DLG1: variants seen among roughly 807,000 people sequenced by gnomAD.
DLG1 encodes discs large MAGUK scaffold protein 1, also known as disks large homolog 1.
DLG1 carries 42 observed loss-of-function variants against 123.4 expected under a neutral mutation model. The ratio of observed to expected loss-of-function variants is 0.34; its 90% CI spans 0.27 to 0.44. DLG1 has a LOEUF of 0.44. Ranked by LOEUF, DLG1 falls within the 20% of genes least tolerant of loss-of-function variation. DLG1 has a pLI of 1.00. For missense variants in DLG1, 942 were observed against 1,082.6 expected, an observed-to-expected ratio of 0.87 and a Z score of 1.82; for synonymous variants, 317 against 356.2, an observed-to-expected ratio of 0.89 and a Z score of 1.24.
chr3:197,127,161 G>A (rs147776575), intron 11 of DLG1, among the ~76,000 whole-genome samples: 1,624 of 151,608 alleles, frequency 0.011, 31 homozygotes, highest in African/African-American at 0.037. Flanking sequence ...GGTGGCTCAC[G>A]CCTGTAATCC....
chr3:197,120,919 T>C (rs1199630275), intron 11 of DLG1, among the ~76,000 whole-genome samples: 1 of 152,162 alleles, frequency 6.6e-6, no homozygotes, highest in African/African-American at 2.4e-5. Context: ...GGGTGGTCAG[T>C]AAGAATATGG....
intron 5 of DLG1, among the ~76,000 whole-genome samples, chr3:197,161,418 T>C (rs1798706463): frequency 6.6e-6 from 1 of 152,194 alleles, no homozygotes; most frequent in African/African-American, 2.4e-5. Flanking sequence ...TTCAATATTA[T>C]GAAGTTCATT....
chr3:197,294,718 A>G (rs1013268371), intron 3 of DLG1, among the ~76,000 whole-genome samples: 5 of 152,058 alleles, frequency 3.3e-5, no homozygotes, highest in African/African-American at 1.2e-4. Context: ...ATTGTACGTA[A>G]GAATAGACAC....
Position 197,051,664 on chromosome 3 carries a change from T to C in DLG1, c.2488A>G (p.Met830Val), listed in dbSNP as rs1456199282. 1.9e-6 allele frequency: 3 copies of C among 1,611,144 alleles called. No homozygotes were observed. The highest frequency in any genetic ancestry group is 2.5e-6 in the Non-Finnish European group (3 of 1,177,844). ...KPKSMENIME[M>V]NKRLTEEQAR... The stretch of plus-strand genomic sequence containing the variant: ...TGTTCTTCTGTTAGACGCTTATTCA[T>C]TTCCCTACGAAAATAAATGTAGAAA... The change falls in exon 24 of 25, where the codon ATG becomes GTG. Residue 830 changes from methionine to valine, a missense_variant. Met to Val is a conservative substitution (Grantham distance 21, BLOSUM62 1). Transcript: ENST00000667157.
chr3:197,279,859 T>C (rs1276322303), intron 4 of DLG1, among the ~76,000 whole-genome samples: 2 of 152,354 alleles, frequency 1.3e-5, no homozygotes, highest in East Asian at 3.9e-4. Context: ...CAGTTAAAAA[T>C]ATTATTATTG....
chr3:197,054,582 T>G (rs1730350580), intron 23 of DLG1, among the ~76,000 whole-genome samples: 1 of 152,208 alleles, frequency 6.6e-6, no homozygotes, highest in Non-Finnish European at 1.5e-5. Flanking sequence ...TTTTGGTTTA[T>G]TTTTAGGTTT....
intron 4 of DLG1, among the ~76,000 whole-genome samples, chr3:197,235,290 G>A (rs1745369252): frequency 6.6e-6 from 1 of 152,178 alleles, no homozygotes; most frequent in Non-Finnish European, 1.5e-5. Flanking sequence ...AATGTGCAAG[G>A]CAGAATACTG....
chr3:197,294,174 C>A (rs187031002), intron 3 of DLG1, among the ~76,000 whole-genome samples: 2 of 152,214 alleles, frequency 1.3e-5, no homozygotes, highest in African/African-American at 4.8e-5. Context: ...TGGAAACACA[C>A]AGAACCTCTA....
At chr3:197,263,436 C>T (rs1760329190) in intron 4 of DLG1, among the ~76,000 whole-genome samples, 1 of 152,062 alleles carries the variant, frequency 6.6e-6, no homozygotes, top group South Asian at 2.1e-4. Flanking sequence ...TATACCATGC[C>T]TATGTTTCAG....
intron 4 of DLG1, among the ~76,000 whole-genome samples, chr3:197,207,794 A>G (rs1729375458): frequency 8.4e-6 from 1 of 119,280 alleles, no homozygotes; most frequent in Non-Finnish European, 2.0e-5. Context: ...AGCAAGGGGG[A>G]AAATGGGTAG....
intron 10 of DLG1, among the ~76,000 whole-genome samples, chr3:197,131,178 T>C (rs1782258423): frequency 1.3e-5 from 2 of 152,304 alleles, no homozygotes; most frequent in Middle Eastern, 3.4e-3. Context: ...CATATTTAGA[T>C]TGGAAAACTA....
intron 5 of DLG1, among the ~76,000 whole-genome samples, chr3:197,161,052 ATTATTT>A (rs1336282393): frequency 6.6e-6 from 1 of 152,182 alleles, no homozygotes; most frequent in African/African-American, 2.4e-5. Flanking sequence ...ACATTTGGCT[ATTATTT>A]TTAAACTGTT....
chr3:197,050,150 G>A (rs1578109949), intron 24 of DLG1, among the ~76,000 whole-genome samples: 1 of 152,018 alleles, frequency 6.6e-6, no homozygotes, highest in South Asian at 2.1e-4. Flanking sequence ...GGTGGATCAC[G>A]AGGTCAGGAG....
intron 22 of DLG1, among the ~76,000 whole-genome samples, chr3:197,064,724 T>C (rs1738375958): frequency 6.6e-6 from 1 of 152,236 alleles, no homozygotes. Flanking sequence ...TTAATGGTGT[T>C]TTCCAATAGT....
At chr3:197,256,537 A>G (rs973711921) in intron 4 of DLG1, among the ~76,000 whole-genome samples, 1 of 152,244 alleles carries the variant, frequency 6.6e-6, no homozygotes, top group African/African-American at 2.4e-5. Context: ...TTTGCTCAAC[A>G]GTACTACTTT....
At chr3:197,282,599 T>C in intron 4 of DLG1, 80 bp downstream of exon 4, 1 of 940,036 alleles carries the variant, frequency 1.1e-6, no homozygotes, top group Non-Finnish European at 1.5e-6. Context: ...TAAAATATTA[T>C]TTTAATAAAA....
At chr3:197,106,879 C>T (rs961495356) in intron 13 of DLG1, among the ~76,000 whole-genome samples, 1 of 152,086 alleles carries the variant, frequency 6.6e-6, no homozygotes, top group Non-Finnish European at 1.5e-5. Flanking sequence ...AAATAATTCG[C>T]ATACCATAGA....
At chr3:197,201,910 G>T (rs754189440) in intron 4 of DLG1, among the ~76,000 whole-genome samples, 6 of 151,784 alleles carry the variant, frequency 4.0e-5, no homozygotes, top group Non-Finnish European at 8.8e-5. Flanking sequence ...GACAAATACT[G>T]CATGCTCTCA....
intron 4 of DLG1, among the ~76,000 whole-genome samples, chr3:197,273,186 A>ATGTGTGTGTGTG (rs1365600529): frequency 8.5e-6 from 1 of 117,288 alleles, no homozygotes; most frequent in Non-Finnish European, 1.8e-5. Flanking sequence ...TACACTGAAT[A>ATGTGTGTGTGTG]TATGTGTGTG....
Sources: gnomAD v4.1 joint callset for allele counts (sites outside exome capture counted in the v4.1 genomes callset) on GRCh38, gnomAD v4.1.1 for gene constraint, MANE v1.5 for transcripts, NCBI Gene and HGNC (gene_info 2026-07-23, HGNC 2026-07-21) for gene names.